Variants in TAF6 observed in about 807,000 individuals in gnomAD.
TAF6 encodes the protein TATA-box binding protein associated factor 6.
In TAF6, 50 loss-of-function variants were observed where a neutral mutation model predicts 73.5. The observed-to-expected ratio is 0.68, with a 90% CI of 0.54 to 0.86. The LOEUF (loss-of-function observed/expected upper bound fraction) is 0.86. Among genes scored for constraint, TAF6 ranks in the 40% least tolerant of loss-of-function variants. The pLI is 0.00. For missense variants in TAF6, 768 were observed against 899.5 expected (o/e 0.85, Z 1.87); for synonymous variants, 424 against 376.7 (o/e 1.13, Z -1.45).
At chr7:100,123,261 G>C (rs1798120079), upstream of TAF6, among the ~76,000 whole-genome samples, 1 of 151,858 alleles carries the variant, frequency 6.6e-6, no homozygotes, top group Non-Finnish European at 1.5e-5. Context: ...AGAATTGCTT[G>C]AATCCAGGAG....
chr7:100,118,705 T>A (rs749834919), intron 1 of TAF6: 1 of 263,050 alleles, frequency 3.8e-6, no homozygotes, highest in Non-Finnish European at 5.9e-6. Context: ...AGTTGGACAT[T>A]AGGAAGATTA....
In TAF6 at chr7:100,107,387, C is replaced by T. The variant is rs761709540; in HGVS notation, c.1893G>A (p.Pro631=). The T allele has an allele frequency of 2.6e-5, 42 of 1,595,622 alleles. No homozygotes were observed. The highest frequency in any genetic ancestry group is 6.9e-5 in the Admixed American group (4 of 57,904). Residue 631 remains proline (P), a synonymous_variant, in exon 15 of 15, where the codon CCG becomes CCA. Coordinates refer to ENST00000453269, the MANE Select transcript of TAF6 (RefSeq NM_139315.3). ...PTSHPSPVPP[P]ASSPSPLSGS... is the part of the protein sequence containing the mutation. ...CGCTGAGTGGGGACGGGGACGATGC[C>T]GGGGGAGGAACTGGAGAAGGATGGG...
intron 4 of TAF6, 99 bp from the exon 5 acceptor site, chr7:100,113,504 A>G: frequency 6.5e-7 from 1 of 1,539,460 alleles, no homozygotes; most frequent in Non-Finnish European, 8.8e-7. Context: ...TCCCCTTGCA[A>G]CTCACCAGGG....
upstream of TAF6, chr7:100,124,493 C>T (rs1422898043): frequency 3.2e-6 from 5 of 1,567,046 alleles, no homozygotes; most frequent in Non-Finnish European, 4.4e-6. Flanking sequence ...AGATACTCTT[C>T]TGGCCCTTCT....
At chr7:100,125,025 C>T in the TAF6 span, 6 of 1,029,860 alleles carry the variant, frequency 5.8e-6, no homozygotes, top group African/African-American at 8.0e-5. Context: ...TCCCATCTAA[C>T]CTCAGGCAAG....
In TAF6 at chr7:100,108,529, A is replaced by G. The variant is rs149977983; in HGVS notation, c.1296T>C (p.Ala432=). 29 of 1,608,214 alleles carry G rather than the reference A, an allele frequency of 1.8e-5. No individual in the cohort carries two copies. The highest frequency in any genetic ancestry group is 2.4e-5 in the Non-Finnish European group (28 of 1,175,792). The part of the protein sequence containing the change: ...HVQSLLLKHC[A]PVLAKLRPPP... The stretch of plus-strand genomic sequence containing the variant: ...GTGGGCGCAGCTTTGCCAGAACAGG[A>G]GCACAGTGTTTCTGCAGAACAGAAA... Residue 432 remains alanine (A), a synonymous_variant, in exon 13 of 15, where the codon GCT becomes GCC. Coordinates refer to ENST00000453269, the MANE Select transcript of TAF6 (RefSeq NM_139315.3).
rs1357610001 is a variant in TAF6 at position 100,110,127 on chromosome 7, G to C, written c.1159-54C>G. ...GCCGGAGGGTCACCAGGGTCTCCCA[G>C]ATGGGGGTACAGTGCCCTCTATAAC... On this transcript the variant is annotated intron_variant, in intron 11 of 14. Transcript: ENST00000453269. The C allele has an allele frequency of 2.5e-6, 4 of 1,614,014 alleles. No individual in the cohort carries two copies. The East Asian group carries it at 8.9e-5, about 36-fold the overall frequency.
In TAF6 at chr7:100,110,130, G is replaced by A. The variant is rs1797031914; in HGVS notation, c.1159-57C>T. On this transcript the variant is annotated intron_variant, in intron 11 of 14. Coordinates refer to ENST00000453269, the MANE Select transcript of TAF6 (RefSeq NM_139315.3). ...GGAGGGTCACCAGGGTCTCCCAGATGGGGGTACAGTGCCCTCTATAACCTC... is the reference window on the plus strand; with the variant it reads ...GGAGGGTCACCAGGGTCTCCCAGATAGGGGTACAGTGCCCTCTATAACCTC... 1.9e-6 allele frequency: 3 copies of A among 1,613,968 alleles called. No individual in the cohort carries two copies. The East Asian group carries it at 6.7e-5, about 36-fold the overall frequency.
At chr7:100,111,044 C>A in intron 10 of TAF6, 95 bp downstream of exon 10, 1 of 1,445,970 alleles carries the variant, frequency 6.9e-7, no homozygotes. Context: ...AAGTTCCAGT[C>A]CCTCTTCCCT....
At chr7:100,116,085 C>T (rs540807004) in intron 1 of TAF6, among the ~76,000 whole-genome samples, 67 of 152,304 alleles carry the variant, frequency 4.4e-4, no homozygotes, top group African/African-American at 1.3e-3. Flanking sequence ...CAATGTCAAC[C>T]GGAGTCTACC....
chr7:100,109,863 G>C (rs1055497472), intron 12 of TAF6, 85 bp downstream of exon 12: 2 of 1,563,990 alleles, frequency 1.3e-6, no homozygotes, highest in Non-Finnish European at 1.7e-6. Flanking sequence ...GCAAAGATGG[G>C]AGTAAGTGAA....
chr7:100,110,492 C>T (rs1584545439), intron 10 of TAF6: 1 of 463,328 alleles, frequency 2.2e-6, no homozygotes, highest in African/African-American at 2.0e-5. Flanking sequence ...CATGGTGAAA[C>T]TCTGTCTCTA....
upstream of TAF6, chr7:100,120,302 G>A (rs1042347129): frequency 1.9e-5 from 3 of 154,570 alleles, no homozygotes; most frequent in African/African-American, 7.2e-5. Context: ...ACCCCGCTGA[G>A]GGGGTTTGAG....
At position 100,111,977 on chromosome 7, in the gene TAF6, G is replaced by C. The variant is rs1007946906; in HGVS notation, c.743C>G (p.Thr248Arg). ...CAGCATCTGATACAGTCCAGGGTCC[G>C]TGGCAATGCTTTGCAGGGCTTCCTG... ...KRAEALQSIA[T>R]DPGLYQMLPR... Residue 248 changes from threonine to arginine, a missense_variant, in exon 8 of 15, where the codon ACG (threonine) becomes AGG (arginine). This residue lies in a region of TAF6 where 78 missense variants were observed against 153.4 expected (regional missense o/e 0.51). Transcript: ENST00000453269. The C allele has an allele frequency of 6.2e-7, 1 of 1,613,926 alleles. No individual in the cohort carries two copies. Among genetic ancestry groups the C allele is most frequent in the Non-Finnish European group, 8.5e-7 (1 of 1,180,016 alleles).
rs763835090 is a variant in TAF6 at position 100,111,143 on chromosome 7, G to T, written c.1079C>A (p.Thr360Asn). 1 of 1,612,856 alleles carries T rather than the reference G, an allele frequency of 6.2e-7. No individual in the cohort carries two copies. The highest frequency in any genetic ancestry group is 8.5e-7 in the Non-Finnish European group (1 of 1,179,024). ...GCTCAAGTTTTCCTGGCTCACCTTG[G>T]TGAAGGTCTTGGTGATCCGGGACTG... ...NIQSRITKTF[T>N]KSWVDEKTPW... The change falls in exon 10 of 15, where the codon ACC becomes AAC. Residue 360 changes from threonine (T) to asparagine (N), a missense_variant. Thr to Asn is a moderately conservative substitution (Grantham distance 65). Around this residue, in one of 5 missense-constraint regions of TAF6, gnomAD observed 69 missense variants for 105.4 expected, o/e 0.65. Transcript: ENST00000453269.
In TAF6 at chr7:100,113,842, C is replaced by G. The variant is rs778838811; in HGVS notation, c.243+26G>C. On this transcript the variant is annotated intron_variant, in intron 3 of 14. Coordinates refer to ENST00000453269, the MANE Select transcript of TAF6 (RefSeq NM_139315.3). ...CTGGCTGAAGGATGGCGTCTCACCC[C>G]CCCCCCGCCTGTCTCCCCAAATCAC... 2.9e-4 allele frequency: 474 copies of G among 1,611,092 alleles called. No individual in the cohort carries two copies. In the East Asian group the frequency reaches 3.0e-3, roughly 10 times the overall value.
rs1797425728 is a variant in TAF6 at position 100,113,784 on chromosome 7, AG to A, written c.244-16del. 6.2e-7 allele frequency: 1 copy of A among 1,612,946 alleles called. No individual in the cohort carries two copies. Among genetic ancestry groups the A allele is most frequent in the Admixed American group, 1.7e-5 (1 of 59,916 alleles). Reference sequence around the variant, plus strand: ...CCATAGAGTGGCTGTGGCAGGAGAGAGGGGCATGGGTAAGAAGGGAGCCGGA... The same window carrying A: ...CCATAGAGTGGCTGTGGCAGGAGAGAGGGCATGGGTAAGAAGGGAGCCGGA... On this transcript the variant is annotated splice_polypyrimidine_tract_variant and intron_variant, in intron 3 of 14. Transcript: ENST00000453269.
chr7:100,118,390 ACT>A (rs1446585042), intron 1 of TAF6: 1 of 151,066 alleles, frequency 6.6e-6, no homozygotes, highest in African/African-American at 2.4e-5. Flanking sequence ...AAGAGAGGTA[ACT>A]CACCCCAGTA....
chr7:100,126,071 A>G, the TAF6 span, among the ~76,000 whole-genome samples: 1 of 152,198 alleles, frequency 6.6e-6, no homozygotes, highest in Admixed American at 6.5e-5. Flanking sequence ...CTGCAGTCCC[A>G]GCTACTCGGG....
Sources: gnomAD v4.1 joint callset for allele counts (sites outside exome capture counted in the v4.1 genomes callset) on GRCh38, gnomAD v4.1.1 for gene constraint, gnomAD v4.1.1 regional missense constraint, MANE v1.5 for transcripts, NCBI Gene and HGNC (gene_info 2026-07-23, HGNC 2026-07-21) for gene names.